The following SHROOM3 variants were observed in gnomAD, a reference collection of about 807,000 sequenced individuals.
The protein encoded by SHROOM3 is shroom family member 3, also known as protein Shroom3.
Under a neutral mutation model 138.6 loss-of-function variants are expected in SHROOM3, and 47 were observed. The observed-to-expected ratio is 0.34, with a 90% confidence interval of 0.27 to 0.43. The LOEUF is 0.43. Among genes scored for constraint, SHROOM3 ranks in the 20% least tolerant of loss-of-function variants. The pLI is 1.00. For missense variants in SHROOM3, 2,491 were observed against 2,596.5 expected (o/e 0.96, Z 0.88); for synonymous variants, 1,062 against 1,063.3 (o/e 1.00, Z 0.02).
intron 1 of SHROOM3, among the ~76,000 whole-genome samples, chr4:76,515,228 A>C (rs1432677666): frequency 2.0e-5 from 3 of 151,636 alleles, no homozygotes; most frequent in Admixed American, 6.6e-5. Flanking sequence ...AAAAAAAAAA[A>C]AAAAAAAATT....
At chr4:76,600,447 CA>C (rs1452883185) in intron 2 of SHROOM3, among the ~76,000 whole-genome samples, 1 of 152,160 alleles carries the variant, frequency 6.6e-6, no homozygotes, top group African/African-American at 2.4e-5. Flanking sequence ...GTGGTACTTT[CA>C]GCTTTCACAT....
chr4:76,711,155 G>A (rs1332661434), intron 3 of SHROOM3, among the ~76,000 whole-genome samples: 1 of 152,222 alleles, frequency 6.6e-6, no homozygotes. Context: ...CGGGGAGTAA[G>A]ATGGGGTTTG....
intron 1 of SHROOM3, among the ~76,000 whole-genome samples, chr4:76,458,600 A>C (rs1190424012): frequency 6.6e-6 from 1 of 152,152 alleles, no homozygotes; most frequent in African/African-American, 2.4e-5. Context: ...AAATCAAGAA[A>C]ATTCTACATT....
chr4:76,763,070 A>C (rs2110149987), intron 9 of SHROOM3, among the ~76,000 whole-genome samples: 1 of 152,310 alleles, frequency 6.6e-6, no homozygotes, highest in South Asian at 2.1e-4. Flanking sequence ...AATGTAACAA[A>C]GGCTCATGAT....
At chr4:76,542,439 T>G (rs938814821) in intron 1 of SHROOM3, among the ~76,000 whole-genome samples, 5 of 152,254 alleles carry the variant, frequency 3.3e-5, no homozygotes, top group Admixed American at 1.3e-4. Flanking sequence ...GTTAATCAGC[T>G]GACCTCTAGA....
intron 3 of SHROOM3, among the ~76,000 whole-genome samples, chr4:76,718,756 A>G (rs1720453345): frequency 6.6e-6 from 1 of 152,236 alleles, no homozygotes; most frequent in African/African-American, 2.4e-5. Flanking sequence ...TGTTTAGAAT[A>G]AATAACCATC....
At chr4:76,549,472 G>T (rs1377698660) in intron 1 of SHROOM3, among the ~76,000 whole-genome samples, 1 of 151,882 alleles carries the variant, frequency 6.6e-6, no homozygotes, top group Non-Finnish European at 1.5e-5. Context: ...GGGTTCAAAT[G>T]ATTCTTCTAC....
intron 2 of SHROOM3, among the ~76,000 whole-genome samples, chr4:76,615,387 T>C (rs1189708448): frequency 1.3e-5 from 2 of 152,158 alleles, no homozygotes; most frequent in Admixed American, 1.3e-4. Flanking sequence ...AGAATTTCAG[T>C]CCTGATTTGA....
At chr4:76,498,960 C>T (rs1258300164) in intron 1 of SHROOM3, among the ~76,000 whole-genome samples, 3 of 152,148 alleles carry the variant, frequency 2.0e-5, no homozygotes, top group Non-Finnish European at 4.4e-5. Context: ...ATTTTTCTAA[C>T]CAATTTTATG....
chr4:76,714,706 A>G (rs534940221), intron 3 of SHROOM3, among the ~76,000 whole-genome samples: 6 of 152,300 alleles, frequency 3.9e-5, no homozygotes, highest in Admixed American at 3.3e-4. Context: ...AACTATTACT[A>G]TAATGTTCTA....
intron 2 of SHROOM3, among the ~76,000 whole-genome samples, chr4:76,695,642 T>C (rs1188142655): frequency 6.6e-6 from 1 of 152,248 alleles, no homozygotes; most frequent in Non-Finnish European, 1.5e-5. Flanking sequence ...ATTAAAATAA[T>C]GTATAGATGC....
intron 2 of SHROOM3, among the ~76,000 whole-genome samples, chr4:76,596,713 A>T (rs866908409): frequency 2.0e-5 from 3 of 151,868 alleles, no homozygotes; most frequent in Non-Finnish European, 2.9e-5. Flanking sequence ...CTTCTCAAGA[A>T]ATTCCCATTT....
chr4:76,737,856 A>AT (rs921808312), intron 4 of SHROOM3, among the ~76,000 whole-genome samples: 3 of 152,144 alleles, frequency 2.0e-5, no homozygotes, highest in Middle Eastern at 6.8e-3. Flanking sequence ...GTTTTAAGTG[A>AT]TTTTTTAAAA....
At chr4:76,502,620 C>T (rs1202454255) in intron 1 of SHROOM3, among the ~76,000 whole-genome samples, 4 of 152,176 alleles carry the variant, frequency 2.6e-5, no homozygotes, top group African/African-American at 4.8e-5. Context: ...AAGTGTTGAA[C>T]GATTTTGTGA....
chr4:76,766,291 C>T (rs1364848675), intron 9 of SHROOM3, among the ~76,000 whole-genome samples: 1 of 152,212 alleles, frequency 6.6e-6, no homozygotes, highest in Non-Finnish European at 1.5e-5. Flanking sequence ...ATTTTCTTCT[C>T]GCTGTGGATA....
intron 1 of SHROOM3, among the ~76,000 whole-genome samples, chr4:76,497,382 T>C (rs1731989581): frequency 6.6e-6 from 1 of 152,072 alleles, no homozygotes. Context: ...AATAATTTGC[T>C]CTCTCAAATA....
At chr4:76,713,930 C>T (rs1003116881) in intron 3 of SHROOM3, among the ~76,000 whole-genome samples, 4 of 152,212 alleles carry the variant, frequency 2.6e-5, no homozygotes, top group Non-Finnish European at 5.9e-5. Flanking sequence ...TGCAACCCAA[C>T]TGTTACTGAT....
intron 1 of SHROOM3, among the ~76,000 whole-genome samples, chr4:76,551,194 C>T (rs549770655): frequency 1.1e-4 from 17 of 151,900 alleles, no homozygotes; most frequent in South Asian, 4.2e-4. Context: ...CAGTGCAAAA[C>T]GAAGAGATTG....
intron 1 of SHROOM3, among the ~76,000 whole-genome samples, chr4:76,494,159 AT>A (rs5859517): frequency 9.7e-4 from 139 of 143,958 alleles, no homozygotes; most frequent in Admixed American, 1.2e-3. Context: ...CCCCAGATTG[AT>A]TTTTTTTTTT....
Sources: allele counts gnomAD v4.1 joint callset (sites outside exome capture counted in the v4.1 genomes callset), GRCh38; gene constraint gnomAD v4.1.1; transcripts MANE v1.5; gene names NCBI Gene and HGNC (gene_info 2026-07-23, HGNC 2026-07-21).